TEC: variants seen among roughly 807,000 people sequenced by gnomAD.
TEC encodes tec protein tyrosine kinase.
TEC carries 72 observed loss-of-function variants against 93.0 expected under a neutral mutation model. The ratio of observed to expected loss-of-function variants is 0.77; its 90% CI spans 0.64 to 0.94. TEC has a LOEUF of 0.94. Ranked by LOEUF, TEC falls within the 40% of genes least tolerant of loss-of-function variation. The pLI is 0.00. For synonymous variants in TEC, 249 were observed against 247.7 expected, an observed-to-expected ratio of 1.01 and a Z score of -0.05; for missense variants, 630 against 757.9, an observed-to-expected ratio of 0.83 and a Z score of 1.98.
chr4:48,163,805 A>C (rs1244686146), intron 7 of TEC, 38 bp from the exon 8 acceptor site: 2 of 1,134,364 alleles, frequency 1.8e-6, no homozygotes, highest in African/African-American at 3.3e-5. Flanking sequence ...AACTTACTTT[A>C]CTGGGAGGTT....
chr4:48,182,504 A>AC, intron 2 of TEC, among the ~76,000 whole-genome samples: 1 of 150,152 alleles, frequency 6.7e-6, no homozygotes, highest in Non-Finnish European at 1.5e-5. Flanking sequence ...CAGTGTGCTG[A>AC]CCCAGTATGC....
At chr4:48,159,645 T>C (rs2109529746) in intron 8 of TEC, among the ~76,000 whole-genome samples, 1 of 150,858 alleles carries the variant, frequency 6.6e-6, no homozygotes, top group African/African-American at 2.4e-5. Context: ...CCCTCCTGGG[T>C]TCAAGCGATT....
At chr4:48,165,404 C>T (rs962219528) in intron 7 of TEC, among the ~76,000 whole-genome samples, 2 of 152,266 alleles carry the variant, frequency 1.3e-5, no homozygotes, top group Middle Eastern at 3.4e-3. Flanking sequence ...TAGAGAACTA[C>T]TAAATGCAGA....
Position 48,256,272 on chromosome 4 carries a change from C to T in TEC, c.-46+13480G>A, listed in dbSNP as rs1334255276. 4.6e-5 allele frequency among the ~76,000 whole-genome samples: 7 copies of T among 152,070 alleles called. No individual in the cohort carries two copies. The East Asian group carries it at 7.7e-4, about 17-fold the overall frequency. Reference sequence around the variant, plus strand: ...AAGAGACAGAAGGGCTACAATCCACCGCCCACCCTGCTAAAAATAATGCCT... The same window carrying T: ...AAGAGACAGAAGGGCTACAATCCACTGCCCACCCTGCTAAAAATAATGCCT... On this transcript the variant is annotated intron_variant, in intron 1 of 17. Coordinates refer to ENST00000381501, the MANE Select transcript of TEC (RefSeq NM_003215.3).
At chr4:48,138,870 A>G (rs1719542827) in intron 16 of TEC, 34 bp downstream of exon 16, 1 of 1,613,738 alleles carries the variant, frequency 6.2e-7, no homozygotes, top group Admixed American at 1.7e-5. Flanking sequence ...CTTTCTCCTC[A>G]GGGCGGACGG....
At chr4:48,181,809 G>T (rs1045174114) in intron 2 of TEC, among the ~76,000 whole-genome samples, 13 of 152,122 alleles carry the variant, frequency 8.5e-5, no homozygotes, top group African/African-American at 7.2e-5. Context: ...CTCCTGACAT[G>T]CCAGCTTTTT....
At chr4:48,223,557 A>T (rs958545239) in intron 2 of TEC, among the ~76,000 whole-genome samples, 2 of 152,206 alleles carry the variant, frequency 1.3e-5, no homozygotes, top group Non-Finnish European at 2.9e-5. Flanking sequence ...TTGTTTTGAG[A>T]AATAAGAGAA....
At chr4:48,236,787 CAA>C (rs1723797601) in intron 1 of TEC, among the ~76,000 whole-genome samples, 1 of 152,162 alleles carries the variant, frequency 6.6e-6, no homozygotes, top group African/African-American at 2.4e-5. Flanking sequence ...CACAAACCAC[CAA>C]AGTTATACTG....
intron 2 of TEC, among the ~76,000 whole-genome samples, chr4:48,185,035 A>G (rs1721758781): frequency 6.6e-6 from 1 of 151,984 alleles, no homozygotes. Flanking sequence ...TCAAAGTACC[A>G]TAATAGAGAC....
chr4:48,245,616 G>A (rs541008356), intron 1 of TEC, among the ~76,000 whole-genome samples: 5 of 152,206 alleles, frequency 3.3e-5, no homozygotes, highest in South Asian at 2.1e-4. Flanking sequence ...ACTATTAATC[G>A]CTAAAACATT....
At chr4:48,182,900 T>C (rs767941406) in intron 2 of TEC, among the ~76,000 whole-genome samples, 1 of 152,204 alleles carries the variant, frequency 6.6e-6, no homozygotes, top group Non-Finnish European at 1.5e-5. Flanking sequence ...GTCATTTATC[T>C]CAGGACACCC....
chr4:48,260,469 C>G (rs1724472220), intron 1 of TEC, among the ~76,000 whole-genome samples: 1 of 152,174 alleles, frequency 6.6e-6, no homozygotes, highest in Non-Finnish European at 1.5e-5. Context: ...ATCTGCAATC[C>G]TAGCTACTCA....
chr4:48,229,183 G>A (rs1402965748), intron 1 of TEC, among the ~76,000 whole-genome samples: 1 of 152,144 alleles, frequency 6.6e-6, no homozygotes, highest in African/African-American at 2.4e-5. Flanking sequence ...AGTTACCAGT[G>A]CCACAGGGAT....
chr4:48,188,873 A>ATG (rs373806971), intron 2 of TEC, among the ~76,000 whole-genome samples: 6,847 of 151,756 alleles, frequency 0.045, 188 homozygotes, highest in South Asian at 0.065. Flanking sequence ...GTGTGTGTGC[A>ATG]TGTGTGTGTG....
chr4:48,241,230 T>G (rs1291549433), intron 1 of TEC, among the ~76,000 whole-genome samples: 1 of 152,032 alleles, frequency 6.6e-6, no homozygotes, highest in Admixed American at 6.6e-5. Context: ...TTTTTTTAAA[T>G]ACCTGTAAAT....
intron 2 of TEC, among the ~76,000 whole-genome samples, chr4:48,215,274 A>G (rs570658106): frequency 2.0e-5 from 3 of 152,318 alleles, no homozygotes; most frequent in Admixed American, 6.5e-5. Context: ...TGGGAGGCTG[A>G]GGTGGGTGGA....
Position 48,187,182 on chromosome 4 carries a change from G to A in TEC, c.139-10996C>T, listed in dbSNP as rs1721911313. Among the ~76,000 whole-genome samples, 4 of 152,252 alleles carry A rather than the reference G, an allele frequency of 2.6e-5. No individual in the cohort carries two copies. The South Asian group carries it at 8.3e-4, about 32-fold the overall frequency. ...GTGCTGTGTCCACTCAGGGTTAAAT[G>A]GATTAAGGGCGGTGCAAGATGTGCT... On this transcript the variant is annotated intron_variant, in intron 2 of 17. Transcript: ENST00000381501.
intron 1 of TEC, among the ~76,000 whole-genome samples, chr4:48,245,082 G>A (rs947303604): frequency 6.6e-6 from 1 of 152,022 alleles, no homozygotes. Context: ...ATCACGAGGT[G>A]AGGATATTCA....
At chr4:48,210,530 G>A (rs887002556) in intron 2 of TEC, among the ~76,000 whole-genome samples, 2 of 149,704 alleles carry the variant, frequency 1.3e-5, no homozygotes, top group African/African-American at 4.9e-5. Context: ...ATGAGGAGGA[G>A]GAGGAGGAAG....
Sources: gnomAD v4.1 joint callset for allele counts (sites outside exome capture counted in the v4.1 genomes callset) on GRCh38, gnomAD v4.1.1 for gene constraint, MANE v1.5 for transcripts, NCBI Gene and HGNC (gene_info 2026-07-23, HGNC 2026-07-21) for gene names.